Variants in TNPO2 observed in about 807,000 individuals in gnomAD.
TNPO2 encodes transportin-2.
Under a neutral mutation model 111.1 loss-of-function variants are expected in TNPO2, and 16 were observed. The observed-to-expected ratio is 0.14, with a 90% confidence interval of 0.10 to 0.22. The LOEUF is 0.22. Among genes scored for constraint, TNPO2 ranks in the 10% least tolerant of loss-of-function variants. The pLI is 1.00. For missense variants in TNPO2, 530 were observed against 1,173.7 expected (o/e 0.45, Z 8.01); for synonymous variants, 481 against 475.8 (o/e 1.01, Z -0.14).
At chr19:12,704,275 A>G (rs1438576818) in intron 18 of TNPO2, among the ~76,000 whole-genome samples, 7 of 151,994 alleles carry the variant, frequency 4.6e-5, no homozygotes, top group African/African-American at 9.7e-5. Context: ...AGGCTAAGGC[A>G]GGAGAACTGC....
At position 12,714,519 on chromosome 19, in the gene TNPO2, A is replaced by G. The variant is rs552185158; in HGVS notation, c.890+302T>C. On this transcript the variant is annotated intron_variant, in intron 10 of 25. Coordinates refer to ENST00000425528, the MANE Select transcript of TNPO2 (RefSeq NM_001382241.1). ...AGTAGAAATGGGGTTTCACCGTGTT[A>G]GCCAGGCTGGTCTCGATCTTCTGAC... is the stretch of plus-strand genomic sequence containing the variant. Among the ~76,000 whole-genome samples, 386 of 152,078 alleles carry G rather than the reference A, an allele frequency of 2.5e-3. 4 individuals are homozygous for G. The highest frequency in any genetic ancestry group is 4.2e-3 in the Non-Finnish European group (288 of 67,972).
At position 12,721,089 on chromosome 19, in the gene TNPO2, AC is replaced by A; in HGVS notation, c.-13-100del. The A allele has an allele frequency of 6.5e-7, 1 of 1,528,968 alleles. No homozygotes were observed. Among genetic ancestry groups the A allele is most frequent in the Non-Finnish European group, 8.7e-7 (1 of 1,143,806 alleles). The allele number at this position is 1,528,968 out of a possible 1,614,324, so 94.7% of individuals were successfully genotyped here. On this transcript the variant is annotated intron_variant, in intron 2 of 25. Transcript: ENST00000425528. This position sits in a 1 kb window ranked among gnomAD's most constrained non-coding sequence, Gnocchi z 4.9. Reference sequence around the variant, plus strand: ...CCGCGGTGGCCGCATGACGACGGGAACGCCCTCGGCGGACAGGCGGAGGCCT... The same window carrying A: ...CCGCGGTGGCCGCATGACGACGGGAAGCCCTCGGCGGACAGGCGGAGGCCT...
At chr19:12,720,180 C>T (rs2026598998) in intron 3 of TNPO2, among the ~76,000 whole-genome samples, 1 of 150,076 alleles carries the variant, frequency 6.7e-6, no homozygotes, top group South Asian at 2.1e-4. Context: ...CCACACCTGG[C>T]TTAATTTTTG....
chr19:12,702,718 C>T lies in TNPO2; in HGVS notation c.2305+105G>A, dbSNP rs1257005678. Reference sequence around the variant, plus strand: ...CCCCTTCCAGGTACTTCCAGACACCCTCCTTGGTTCCTTGACAAGGCTCTT... The same window carrying T: ...CCCCTTCCAGGTACTTCCAGACACCTTCCTTGGTTCCTTGACAAGGCTCTT... On this transcript the variant is annotated intron_variant, in intron 21 of 25. Coordinates refer to ENST00000425528, the MANE Select transcript of TNPO2 (RefSeq NM_001382241.1). The surrounding 1 kb of genome is among the most constrained non-coding windows in gnomAD (Gnocchi z 5.5). The T allele has an allele frequency of 4.8e-6, 5 of 1,039,240 alleles. No homozygotes were observed. Among genetic ancestry groups the T allele is most frequent in the Non-Finnish European group, 7.4e-6 (5 of 678,564 alleles). 64.4% of individuals were successfully genotyped at this position (1,039,240 alleles called of 1,614,324 possible). A position where few individuals can be genotyped will look rare whatever the true frequency, so the allele number is the denominator to read the frequency against.
intron 5 of TNPO2, among the ~76,000 whole-genome samples, chr19:12,718,294 T>C (rs746307181): frequency 6.6e-6 from 1 of 151,948 alleles, no homozygotes; most frequent in African/African-American, 2.4e-5. Context: ...GCCTCCCGAG[T>C]AGCTGGGACC....
intron 2 of TNPO2, chr19:12,722,485 G>A (rs1967048039): frequency 4.7e-5 from 7 of 149,930 alleles, no homozygotes; most frequent in South Asian, 2.1e-4. Flanking sequence ...ACCCGGCCCC[G>A]GGCAGCAGCG....
intron 13 of TNPO2, among the ~76,000 whole-genome samples, chr19:12,708,808 T>C (rs1164023785): frequency 6.7e-6 from 1 of 149,928 alleles, no homozygotes; most frequent in Non-Finnish European, 1.5e-5. Flanking sequence ...GAGGCAGAGG[T>C]TGCAGTGAGT....
Position 12,706,601 on chromosome 19 carries a change from C to T in TNPO2, c.1465G>A (p.Gly489Ser), listed in dbSNP as rs2025686481. Reference protein sequence around the residue: ...MTELLKRILDGNKRVQEAACS... With the variant: ...MTELLKRILDSNKRVQEAACS... The stretch of plus-strand genomic sequence containing the variant: ...GCCGCCTCCTGTACCCTCTTGTTGC[C>T]ATCCAGGATGCGTTTGAGCAGCTCT... Residue 489 changes from glycine (G) to serine (S), a missense_variant, in exon 14 of 26, where the codon GGC becomes AGC. Physicochemically the swap from Gly to Ser is moderately conservative, Grantham distance 56. This residue lies in a region of TNPO2 where 183 missense variants were observed against 481.0 expected (regional missense o/e 0.38). Coordinates refer to ENST00000425528, the MANE Select transcript of TNPO2 (RefSeq NM_001382241.1). This position sits in a 1 kb window ranked among gnomAD's most constrained non-coding sequence, Gnocchi z 7.0. 1.2e-6 allele frequency: 2 copies of T among 1,614,118 alleles called. No homozygotes were observed. Among genetic ancestry groups the T allele is most frequent in the East Asian group, 4.5e-5 (2 of 44,884 alleles).
chr19:12,705,844 G>T lies in TNPO2; in HGVS notation c.1669-76C>A. On this transcript the variant is annotated intron_variant, in intron 15 of 25. Transcript: ENST00000425528. The surrounding 1 kb of genome is among the most constrained non-coding windows in gnomAD (Gnocchi z 7.2). ...TGACTCAGGTACCTGTTGCCCGAGTGATGAGGCCTGAGCGCCTCACCGTGG... is the reference window on the plus strand; with the variant it reads ...TGACTCAGGTACCTGTTGCCCGAGTTATGAGGCCTGAGCGCCTCACCGTGG... 9.1e-7 allele frequency: 1 copy of T among 1,098,784 alleles called. No homozygotes were observed. Among genetic ancestry groups the T allele is most frequent in the Non-Finnish European group, 1.3e-6 (1 of 782,382 alleles). 68.1% of individuals were successfully genotyped at this position (1,098,784 alleles called of 1,614,324 possible).
At position 12,701,880 on chromosome 19, in the gene TNPO2, G is replaced by C. The variant is rs755279115; in HGVS notation, c.2412-29C>G. ...TGGGAAGGTGAGCAGCTGGAGGTCA[G>C]AGGGCAGGCTGGGCATGCATCTGTG... is the stretch of plus-strand genomic sequence containing the variant. On this transcript the variant is annotated intron_variant, in intron 22 of 25. Coordinates refer to ENST00000425528, the MANE Select transcript of TNPO2 (RefSeq NM_001382241.1). This position sits in a 1 kb window ranked among gnomAD's most constrained non-coding sequence, Gnocchi z 5.0. 2.5e-6 allele frequency: 4 copies of C among 1,589,602 alleles called. No individual in the cohort carries two copies. The highest frequency in any genetic ancestry group is 1.7e-5 in the Admixed American group (1 of 59,994).
chr19:12,719,065 T>C lies in TNPO2; in HGVS notation c.289A>G (p.Ile97Val). ...DFIKQECLNNIGDASSLIRAT... is the reference protein window; with the variant it reads ...DFIKQECLNNVGDASSLIRAT... The stretch of plus-strand genomic sequence containing the variant: ...CGGATGAGCGAGGAGGCATCGCCAA[T>C]GTTGTTGAGACACTCCTGTTTGATG... Residue 97 changes from isoleucine to valine, a missense_variant, in exon 5 of 26, where the codon ATT (isoleucine) becomes GTT (valine). Coordinates refer to ENST00000425528, the MANE Select transcript of TNPO2 (RefSeq NM_001382241.1). The surrounding 1 kb of genome is among the most constrained non-coding windows in gnomAD (Gnocchi z 5.0). 9 of 1,613,852 alleles carry C rather than the reference T, an allele frequency of 5.6e-6. No homozygotes were observed. Among genetic ancestry groups the C allele is most frequent in the Non-Finnish European group, 6.8e-6 (8 of 1,179,856 alleles).
rs1048305911 is a variant in TNPO2, at chr19:12,710,012, T to C, written c.1270+609A>G. On this transcript the variant is annotated intron_variant, in intron 13 of 25. Coordinates refer to ENST00000425528, the MANE Select transcript of TNPO2 (RefSeq NM_001382241.1). ...ACAGGTCTGGATGCTGAGGCAATGG[T>C]ATATGATGCCTCCAACGGACTCACA... Among the ~76,000 whole-genome samples, 9 of 152,102 alleles carry C rather than the reference T, an allele frequency of 5.9e-5. No individual in the cohort carries two copies. The South Asian group carries it at 6.2e-4, about 10-fold the overall frequency.
chr19:12,722,405 A>C (rs1599433774), intron 2 of TNPO2: 1 of 149,346 alleles, frequency 6.7e-6, no homozygotes, highest in African/African-American at 2.5e-5. Flanking sequence ...CGCGCGGCGC[A>C]GGCTCGGTGC....
chr19:12,706,688 TCAG>T lies in TNPO2; in HGVS notation c.1375_1377del (p.Leu459del). On this transcript the variant is annotated inframe_deletion, in exon 14 of 26. Transcript: ENST00000425528. This position sits in a 1 kb window ranked among gnomAD's most constrained non-coding sequence, Gnocchi z 7.0. ...CTGACCACCCAGTGGGCATAGCGGC[TCAG>T]CGTCCAGCAGGCGATGGAGCGGACC... The T allele has an allele frequency of 6.2e-7, 1 of 1,613,910 alleles. No homozygotes were observed. Among genetic ancestry groups the T allele is most frequent in the Non-Finnish European group, 8.5e-7 (1 of 1,179,876 alleles).
At position 12,714,865 on chromosome 19, in the gene TNPO2, G is replaced by A. The variant is rs375544397; in HGVS notation, c.846C>T (p.Ala282=). The A allele has an allele frequency of 6.8e-6, 11 of 1,613,806 alleles. No individual in the cohort carries two copies. The highest frequency in any genetic ancestry group is 4.5e-5 in the East Asian group (2 of 44,872). Residue 282 remains alanine (A), a synonymous_variant, in exon 10 of 26, where the codon GCC becomes GCT. Coordinates refer to ENST00000425528, the MANE Select transcript of TNPO2 (RefSeq NM_001382241.1). The part of the protein sequence containing the change: ...LEACEFWLTL[A]EQPICKEVLA... Reference sequence around the variant, plus strand: ...GGACTTCCTTGCAGATGGGCTGCTCGGCCAGCGTCAGCCAGAACTCACAGG... The same window carrying A: ...GGACTTCCTTGCAGATGGGCTGCTCAGCCAGCGTCAGCCAGAACTCACAGG...
chr19:12,722,762 T>G (rs1967088806), intron 2 of TNPO2, among the ~76,000 whole-genome samples: 1 of 151,918 alleles, frequency 6.6e-6, no homozygotes, highest in Non-Finnish European at 1.5e-5. Context: ...GAGTTGCCGT[T>G]TCTTTGGCCT....
chr19:12,719,138 G>A lies in TNPO2; in HGVS notation c.216C>T (p.Asn72=). ...AGCTCTGATAGTGTGCCTTCACGTT[G>A]TTCTTGAGGATGAGGCCACTGAGAG... ...TRSLSGLILK[N]NVKAHYQSFP... Residue 72 remains asparagine, a synonymous_variant, in exon 5 of 26, where the codon AAC becomes AAT. Transcript: ENST00000425528. The surrounding 1 kb of genome is among the most constrained non-coding windows in gnomAD (Gnocchi z 5.0). 6.2e-7 allele frequency: 1 copy of A among 1,613,998 alleles called. No individual in the cohort carries two copies. Among genetic ancestry groups the A allele is most frequent in the Non-Finnish European group, 8.5e-7 (1 of 1,179,896 alleles).
intron 3 of TNPO2, among the ~76,000 whole-genome samples, chr19:12,720,612 C>G (rs951719325): frequency 3.9e-5 from 6 of 152,196 alleles, no homozygotes; most frequent in African/African-American, 1.4e-4. Flanking sequence ...TGAGCCACCC[C>G]GTTGGGCCAG....
Position 12,721,291 on chromosome 19 carries a change from T to C in TNPO2, c.-13-301A>G. 1 of 1,284,706 alleles carries C rather than the reference T, an allele frequency of 7.8e-7. No homozygotes were observed. The highest frequency in any genetic ancestry group is 1.0e-6 in the Non-Finnish European group (1 of 1,003,354). The allele number at this position is 1,284,706 out of a possible 1,614,324, so 79.6% of individuals were successfully genotyped here. A position where few individuals can be genotyped will look rare whatever the true frequency, so the allele number is the denominator to read the frequency against. On this transcript the variant is annotated intron_variant, in intron 2 of 25. Transcript: ENST00000425528. This position sits in a 1 kb window ranked among gnomAD's most constrained non-coding sequence, Gnocchi z 4.9. ...AGAGCCCTCGTCCCAGGGTGGCCCATGCCGCTGACCCCGGCTCCGAGCCCG... is the reference window on the plus strand; with the variant it reads ...AGAGCCCTCGTCCCAGGGTGGCCCACGCCGCTGACCCCGGCTCCGAGCCCG...
Sources: allele counts gnomAD v4.1 joint callset (sites outside exome capture counted in the v4.1 genomes callset), GRCh38; gene constraint gnomAD v4.1.1; regional missense constraint gnomAD v4.1.1; non-coding constraint Gnocchi (gnomAD v3.1); transcripts MANE v1.5; gene names NCBI Gene and HGNC (gene_info 2026-07-23, HGNC 2026-07-21).